NSMCE2: variants seen among roughly 807,000 people sequenced by gnomAD.
NSMCE2 encodes E3 SUMO-protein ligase NSE2.
NSMCE2 carries 24 observed loss-of-function variants against 23.8 expected under a neutral mutation model. That is an observed-to-expected ratio of 1.01 (90% CI 0.73 to 1.42). NSMCE2 has a LOEUF of 1.42. Among genes scored for constraint, NSMCE2 ranks in the 40% most tolerant of loss-of-function variants. NSMCE2 has a pLI of 0.00. For synonymous variants in NSMCE2, 92 were observed against 94.1 expected (o/e 0.98, Z 0.13); for missense variants, 284 against 296.5 (o/e 0.96, Z 0.31).
intron 7 of NSMCE2, among the ~76,000 whole-genome samples, chr8:125,365,295 G>A (rs905728504): frequency 6.6e-5 from 10 of 151,994 alleles, no homozygotes; most frequent in South Asian, 2.1e-4. Flanking sequence ...CTTCCCTTTC[G>A]CTTATGCTCC....
chr8:125,215,611 C>T (rs1045628289), intron 5 of NSMCE2, among the ~76,000 whole-genome samples: 13 of 152,228 alleles, frequency 8.5e-5, no homozygotes, highest in East Asian at 1.9e-4. Context: ...CCTGAGGAAT[C>T]GCCTATGTCC....
In NSMCE2 at chr8:125,313,698, A is replaced by G. The variant is rs1829063862; in HGVS notation, c.419-43521A>G. Among the ~76,000 whole-genome samples, 2 of 152,198 alleles carry G rather than the reference A, an allele frequency of 1.3e-5. 1 individual carries two copies. Among genetic ancestry groups the G allele is most frequent in the South Asian group, 4.1e-4 (2 of 4,832 alleles). On this transcript the variant is annotated intron_variant, in intron 5 of 7. Coordinates refer to ENST00000287437, the MANE Select transcript of NSMCE2 (RefSeq NM_173685.4). ...CCATGTATGTGTTATACACGTCCTT[A>G]GAGTTTCCTTGTTCCCCATACTCTT...
At chr8:125,280,292 A>T (rs1827639805) in intron 5 of NSMCE2, among the ~76,000 whole-genome samples, 2 of 152,198 alleles carry the variant, frequency 1.3e-5, no homozygotes, top group Non-Finnish European at 2.9e-5. Context: ...AGAGAAACAG[A>T]CCCAAATACA....
chr8:125,222,897 T>C (rs1173209224), intron 5 of NSMCE2, among the ~76,000 whole-genome samples: 1 of 151,712 alleles, frequency 6.6e-6, no homozygotes, highest in African/African-American at 2.4e-5. Context: ...ACCCTGTCCC[T>C]ACAAAAGGAA....
chr8:125,213,594 TCTTTC>T (rs1267088125), intron 5 of NSMCE2, among the ~76,000 whole-genome samples: 7 of 130,582 alleles, frequency 5.4e-5, no homozygotes, highest in Non-Finnish European at 9.6e-5. Flanking sequence ...TTTCTTCTCC[TCTTTC>T]CTTTCCTTTC....
At chr8:125,318,859 C>T (rs749825372) in intron 5 of NSMCE2, among the ~76,000 whole-genome samples, 4 of 152,264 alleles carry the variant, frequency 2.6e-5, no homozygotes, top group Non-Finnish European at 5.9e-5. Context: ...TCCTTGTGAT[C>T]TCCCTGAATG....
chr8:125,266,030 G>A (rs1826896609), intron 5 of NSMCE2, among the ~76,000 whole-genome samples: 1 of 151,440 alleles, frequency 6.6e-6, no homozygotes, highest in African/African-American at 2.4e-5. Flanking sequence ...CCTGTGACCC[G>A]AATAAAGAAC....
intron 4 of NSMCE2, among the ~76,000 whole-genome samples, chr8:125,180,328 TA>T (rs1403066977): frequency 6.6e-6 from 1 of 152,232 alleles, no homozygotes; most frequent in Non-Finnish European, 1.5e-5. Flanking sequence ...CCATGTTTTC[TA>T]AAACTCTCTT....
At chr8:125,177,981 G>A (rs1363312609) in intron 4 of NSMCE2, among the ~76,000 whole-genome samples, 15 of 152,094 alleles carry the variant, frequency 9.9e-5, no homozygotes. Flanking sequence ...TATCTTGGAG[G>A]CATCATTACT....
At chr8:125,341,897 GAAAAA>G (rs61204647) in intron 5 of NSMCE2, among the ~76,000 whole-genome samples, 4 of 83,238 alleles carry the variant, frequency 4.8e-5, no homozygotes, top group South Asian at 9.8e-4. Context: ...TCTAGAAATG[GAAAAA>G]AAAAAAAAAA....
At chr8:125,314,786 T>A (rs781164360) in intron 5 of NSMCE2, among the ~76,000 whole-genome samples, 3 of 152,150 alleles carry the variant, frequency 2.0e-5, no homozygotes, top group Non-Finnish European at 2.9e-5. Flanking sequence ...TTGTGCACCA[T>A]GCCTGAGCAG....
At chr8:125,241,848 T>C (rs1273893604) in intron 5 of NSMCE2, among the ~76,000 whole-genome samples, 1 of 152,234 alleles carries the variant, frequency 6.6e-6, no homozygotes, top group Non-Finnish European at 1.5e-5. Flanking sequence ...TTAGGCATTC[T>C]GTTAGATATG....
rs72720547 is a variant in NSMCE2 at position 125,145,014 on chromosome 8, C to G, written c.158-6157C>G. ...TTTGTTTGACTTTAGGAAAATCATA[C>G]GCAGGCCAACTTCACCCATTTAGAG... On this transcript the variant is annotated intron_variant, in intron 3 of 7. Coordinates refer to ENST00000287437, the MANE Select transcript of NSMCE2 (RefSeq NM_173685.4). Among the ~76,000 whole-genome samples the G allele has an allele frequency of 3.4e-3, 519 of 152,090 alleles. 1 individual carries two copies. The highest frequency in any genetic ancestry group is 5.7e-3 in the Non-Finnish European group (388 of 67,990).
chr8:125,346,649 A>G (rs1016033661), intron 5 of NSMCE2, among the ~76,000 whole-genome samples: 1 of 152,218 alleles, frequency 6.6e-6, no homozygotes, highest in Non-Finnish European at 1.5e-5. Context: ...AGAGATGATC[A>G]TCAAGCCTTT....
intron 5 of NSMCE2, among the ~76,000 whole-genome samples, chr8:125,189,207 T>C (rs1394938470): frequency 1.3e-5 from 2 of 152,144 alleles, no homozygotes; most frequent in African/African-American, 4.8e-5. Context: ...GAAAGGGTGC[T>C]CCACACAGAT....
chr8:125,284,251 C>A (rs963640925), intron 5 of NSMCE2, among the ~76,000 whole-genome samples: 3 of 149,122 alleles, frequency 2.0e-5, no homozygotes, highest in South Asian at 2.1e-4. Context: ...AAAAAAAATA[C>A]CCCTGAAAGA....
At chr8:125,292,935 C>A (rs1279837990) in intron 5 of NSMCE2, among the ~76,000 whole-genome samples, 7 of 152,138 alleles carry the variant, frequency 4.6e-5, no homozygotes, top group African/African-American at 1.4e-4. Context: ...TTGTTGAAGA[C>A]CCCCTGTAGT....
intron 5 of NSMCE2, among the ~76,000 whole-genome samples, chr8:125,297,978 G>A (rs572348489): frequency 2.0e-5 from 3 of 152,136 alleles, no homozygotes; most frequent in Non-Finnish European, 4.4e-5. Context: ...ATGCTGACTG[G>A]GCCAGGCACA....
intron 5 of NSMCE2, among the ~76,000 whole-genome samples, chr8:125,185,576 G>A (rs1327396430): frequency 6.6e-6 from 1 of 152,172 alleles, no homozygotes; most frequent in Non-Finnish European, 1.5e-5. Context: ...AAAATGTTGG[G>A]ATTACAGGCG....
Sources: gnomAD v4.1 joint callset for allele counts (sites outside exome capture counted in the v4.1 genomes callset) on GRCh38, gnomAD v4.1.1 for gene constraint, MANE v1.5 for transcripts, NCBI Gene and HGNC (gene_info 2026-07-23, HGNC 2026-07-21) for gene names.